The following DPP10 variants were observed in gnomAD, a reference collection of about 807,000 sequenced individuals.
The protein encoded by DPP10 is inactive dipeptidyl peptidase 10.
A neutral mutation model predicts 120.9 loss-of-function variants in DPP10; 33 were observed. That is an observed-to-expected ratio of 0.27 (90% CI 0.21 to 0.37). The LOEUF is 0.37. Among genes scored for constraint, DPP10 ranks in the 10% least tolerant of loss-of-function variants. DPP10 has a pLI of 1.00. For synonymous variants in DPP10, 337 were observed against 326.1 expected (o/e 1.03, Z -0.36); for missense variants, 816 against 942.8 (o/e 0.87, Z 1.76).
At chr2:115,383,866 C>G (rs892112572) in intron 3 of DPP10, among the ~76,000 whole-genome samples, 1 of 152,120 alleles carries the variant, frequency 6.6e-6, no homozygotes, top group Non-Finnish European at 1.5e-5. Flanking sequence ...GAGATTATTT[C>G]TCAGCAATGT....
chr2:115,379,538 G>A (rs76916498), intron 3 of DPP10, among the ~76,000 whole-genome samples: 1,908 of 152,006 alleles, frequency 0.013, 22 homozygotes, highest in Middle Eastern at 0.024. Context: ...AGGGTTTTTT[G>A]TGTCTCTATT....
At chr2:114,717,657 G>A (rs1333644525) in intron 1 of DPP10, among the ~76,000 whole-genome samples, 1 of 152,106 alleles carries the variant, frequency 6.6e-6, no homozygotes, top group African/African-American at 2.4e-5. Flanking sequence ...AAAAATAGTA[G>A]CCATGTAATG....
chr2:115,635,728 C>T (rs2086268980), intron 5 of DPP10, among the ~76,000 whole-genome samples: 1 of 152,096 alleles, frequency 6.6e-6, no homozygotes, highest in Non-Finnish European at 1.5e-5. Context: ...ATTGGAGGCC[C>T]TGTGATTTCA....
chr2:114,652,623 T>C (rs1696675307), intron 1 of DPP10, among the ~76,000 whole-genome samples: 1 of 152,228 alleles, frequency 6.6e-6, no homozygotes, highest in Non-Finnish European at 1.5e-5. Context: ...AACACCTATC[T>C]GAAGGTGTGT....
At chr2:115,832,851 TAAG>T (rs751608311) in intron 21 of DPP10, among the ~76,000 whole-genome samples, 1 of 152,020 alleles carries the variant, frequency 6.6e-6, no homozygotes, top group African/African-American at 2.4e-5. Context: ...CGGCTGGGAC[TAAG>T]AAGATGTTTC....
chr2:114,895,010 T>C (rs2106634022), intron 1 of DPP10, among the ~76,000 whole-genome samples: 1 of 152,288 alleles, frequency 6.6e-6, no homozygotes, highest in East Asian at 1.9e-4. Flanking sequence ...CTACTTAAAC[T>C]CTGTGTTTTA....
At position 114,442,940 on chromosome 2, in the gene DPP10, C is replaced by T. The variant is rs902037785; in HGVS notation, c.60+102C>T. 40 of 1,419,062 alleles carry T rather than the reference C, an allele frequency of 2.8e-5. 2 individuals are homozygous for T. In the South Asian group the frequency reaches 4.9e-4, roughly 18 times the overall value. The allele number at this position is 1,419,062 out of a possible 1,614,324, so 87.9% of individuals were successfully genotyped here. ...GGGGTACTGACAGTGGACATACCTA[C>T]TTGATTTGAGTTTGAATTGAAGGTT... On this transcript the variant is annotated intron_variant, in intron 1 of 25. Transcript: ENST00000410059.
At chr2:114,721,885 A>T (rs1033952733) in intron 1 of DPP10, among the ~76,000 whole-genome samples, 1 of 152,194 alleles carries the variant, frequency 6.6e-6, no homozygotes, top group South Asian at 2.1e-4. Flanking sequence ...GCCACTTCCT[A>T]TCTGGGCGAC....
At chr2:115,262,206 A>G (rs1419536209) in intron 1 of DPP10, among the ~76,000 whole-genome samples, 2 of 152,060 alleles carry the variant, frequency 1.3e-5, no homozygotes, top group Non-Finnish European at 2.9e-5. Flanking sequence ...AAGAACACAA[A>G]ATCCTGGACT....
intron 1 of DPP10, among the ~76,000 whole-genome samples, chr2:114,857,009 A>G (rs999625927): frequency 3.3e-5 from 5 of 152,168 alleles, no homozygotes; most frequent in Non-Finnish European, 7.4e-5. Flanking sequence ...TTGTAAATAA[A>G]GATACTGAGA....
At chr2:115,005,970 A>T (rs2105043310) in intron 1 of DPP10, among the ~76,000 whole-genome samples, 1 of 152,314 alleles carries the variant, frequency 6.6e-6, no homozygotes, top group East Asian at 1.9e-4. Context: ...CCAGAGAGAA[A>T]GGTCGGGTTA....
intron 1 of DPP10, among the ~76,000 whole-genome samples, chr2:114,885,819 T>G (rs911465486): frequency 2.0e-5 from 3 of 152,214 alleles, no homozygotes; most frequent in African/African-American, 7.2e-5. Flanking sequence ...ACTTCCTAGT[T>G]GCAATCCAAG....
At chr2:114,632,817 G>T (rs918227374) in intron 1 of DPP10, among the ~76,000 whole-genome samples, 11 of 152,090 alleles carry the variant, frequency 7.2e-5, no homozygotes, top group East Asian at 1.9e-4. Context: ...CGGCCAGGGG[G>T]TTTTAATTTA....
chr2:114,648,134 A>G (rs1285950869), intron 1 of DPP10, among the ~76,000 whole-genome samples: 2 of 152,128 alleles, frequency 1.3e-5, no homozygotes, highest in Admixed American at 6.5e-5. Flanking sequence ...TGTGAGTTGT[A>G]TCACCCTGAG....
chr2:115,711,361 A>G (rs559497374), intron 7 of DPP10, among the ~76,000 whole-genome samples: 1 of 152,216 alleles, frequency 6.6e-6, no homozygotes, highest in African/African-American at 2.4e-5. Context: ...ACACATAAAG[A>G]ATGGGATTGT....
At chr2:115,644,234 A>G (rs1461490534) in intron 5 of DPP10, among the ~76,000 whole-genome samples, 3 of 152,266 alleles carry the variant, frequency 2.0e-5, no homozygotes, top group Admixed American at 1.3e-4. Flanking sequence ...ACGTATGTAT[A>G]CATGTGCCAT....
At chr2:115,370,359 A>T (rs1427536289) in intron 3 of DPP10, among the ~76,000 whole-genome samples, 1 of 152,100 alleles carries the variant, frequency 6.6e-6, no homozygotes, top group Admixed American at 6.6e-5. Flanking sequence ...TCATATTAGG[A>T]TGGAGTGAAT....
intron 2 of DPP10, among the ~76,000 whole-genome samples, chr2:115,331,974 G>C (rs1225862656): frequency 1.3e-5 from 2 of 152,094 alleles, no homozygotes; most frequent in African/African-American, 4.8e-5. Context: ...TTTTTCTGTT[G>C]ATTGGAATAG....
intron 5 of DPP10, among the ~76,000 whole-genome samples, chr2:115,585,499 G>A (rs1358763964): frequency 6.6e-6 from 1 of 152,164 alleles, no homozygotes; most frequent in Non-Finnish European, 1.5e-5. Flanking sequence ...TCTTAAATGT[G>A]ATGTCAATTA....
Sources: gnomAD v4.1 joint callset for allele counts (sites outside exome capture counted in the v4.1 genomes callset) on GRCh38, gnomAD v4.1.1 for gene constraint, MANE v1.5 for transcripts, NCBI Gene and HGNC (gene_info 2026-07-23, HGNC 2026-07-21) for gene names.